Variants in ZNF556 observed in about 807,000 individuals in gnomAD.
The protein encoded by ZNF556 is zinc finger protein 556.
In ZNF556, 11 loss-of-function variants were observed where a neutral mutation model predicts 13.6. The ratio of observed to expected loss-of-function variants is 0.81; its 90% confidence interval spans 0.51 to 1.33. ZNF556 has a LOEUF of 1.33. Ranked by LOEUF, ZNF556 falls within the 40% of genes most tolerant of loss-of-function variation. ZNF556 has a pLI of 0.00. For missense variants in ZNF556, 633 were observed against 566.2 expected (o/e 1.12, Z -1.20); for synonymous variants, 229 against 207.8 (o/e 1.10, Z -0.88).
intron 2 of ZNF556, among the ~76,000 whole-genome samples, chr19:2,874,293 T>C (rs1440955231): frequency 6.6e-6 from 1 of 152,024 alleles, no homozygotes; most frequent in Non-Finnish European, 1.5e-5. Flanking sequence ...TATTTCTTGC[T>C]CATTAAGCCT....
Position 2,873,641 on chromosome 19 carries a change from C to T in ZNF556, c.130+19C>T. 6.2e-7 allele frequency: 1 copy of T among 1,607,378 alleles called. No individual in the cohort carries two copies. The highest frequency in any genetic ancestry group is 8.5e-7 in the Non-Finnish European group (1 of 1,174,852). The stretch of plus-strand genomic sequence containing the variant: ...TCAGTAGGTGAGGATAGCATTATTT[C>T]TGCACTTAGTTATTAGATAATAAAT... On this transcript the variant is annotated intron_variant, in intron 2 of 3. Coordinates refer to ENST00000307635, the MANE Select transcript of ZNF556 (RefSeq NM_024967.3).
intron 1 of ZNF556, 28 bp downstream of exon 1, chr19:2,867,452 A>G: frequency 6.3e-7 from 1 of 1,580,048 alleles, no homozygotes; most frequent in Non-Finnish European, 8.6e-7. Context: ...GCCGAGCCGG[A>G]GCCGGAGCCC....
chr19:2,877,167 G>A, intron 3 of ZNF556, 106 bp from the exon 4 acceptor site: 2 of 904,750 alleles, frequency 2.2e-6, no homozygotes, highest in South Asian at 1.8e-5. Context: ...CCAAGATCAT[G>A]CCACTGCACT....
rs766319745 is a variant in ZNF556 at position 2,877,336 on chromosome 19, C to T, written c.378C>T (p.Phe126=). The change falls in exon 4 of 4, where the codon TTC becomes TTT. Residue 126 remains phenylalanine, a synonymous_variant. Transcript: ENST00000307635. ...AAGGTAATAAACGTGGAAGAACCTT[C>T]AGAAAGACTCGAAATTGTAATCGTC... ...SSKGNKRGRT[F]RKTRNCNRHL... 3 of 1,614,184 alleles carry T rather than the reference C, an allele frequency of 1.9e-6. No homozygotes were observed. The highest frequency in any genetic ancestry group is 2.5e-6 in the Non-Finnish European group (3 of 1,180,038).
intron 1 of ZNF556, among the ~76,000 whole-genome samples, chr19:2,871,431 G>A (rs987456682): frequency 1.4e-4 from 21 of 152,194 alleles, no homozygotes; most frequent in African/African-American, 5.1e-4. Context: ...GTTGGTCAAA[G>A]TGAACCAACT....
chr19:2,873,814 C>T (rs182470741), intron 2 of ZNF556, among the ~76,000 whole-genome samples, 192 bp downstream of exon 2: 5 of 151,740 alleles, frequency 3.3e-5, no homozygotes, highest in Admixed American at 6.6e-5. Context: ...AAAATTAGCC[C>T]GGTGTGGTAG....
At chr19:2,876,323 C>A in intron 3 of ZNF556, 47 bp downstream of exon 3, 1 of 1,517,316 alleles carries the variant, frequency 6.6e-7, no homozygotes, top group Non-Finnish European at 8.8e-7. Flanking sequence ...GGCACGGTGG[C>A]TCATGCCTGT....
intron 3 of ZNF556, among the ~76,000 whole-genome samples, chr19:2,876,979 A>C (rs961965270): frequency 6.6e-6 from 1 of 151,896 alleles, no homozygotes; most frequent in Non-Finnish European, 1.5e-5. Flanking sequence ...TTGAGAGGCC[A>C]AGGTAGGTGG....
At position 2,878,024 on chromosome 19, in the gene ZNF556, C is replaced by T. The variant is rs376991458; in HGVS notation, c.1066C>T (p.Arg356Cys). The change falls in exon 4 of 4, where the codon CGC (arginine) becomes TGC (cysteine). Residue 356 changes from arginine to cysteine, a missense_variant. Arg to Cys is a radical substitution (Grantham distance 180). Transcript: ENST00000307635. ...CGTGGGAAAGTCTTCCGCGAGGCCT[C>T]GCCCCTCCACAGATGTCAAATCACA... ...GSVGKSSARP[R>C]PSTDVKSQTR... The T allele has an allele frequency of 1.1e-5, 18 of 1,613,942 alleles. No individual in the cohort carries two copies. Among genetic ancestry groups the T allele is most frequent in the South Asian group, 4.4e-5 (4 of 91,082 alleles).
At position 2,879,286 on chromosome 19, in the gene ZNF556, T is replaced by G. The variant is rs570676451; in HGVS notation, c.*957T>G. The G allele has an allele frequency of 7.2e-6, 1 of 139,186 alleles. No homozygotes were observed. The highest frequency in any genetic ancestry group is 1.6e-5 in the Non-Finnish European group (1 of 62,216). The allele number at this position is 139,186 out of a possible 1,614,324, so 8.6% of individuals were successfully genotyped here. A position where few individuals can be genotyped will look rare whatever the true frequency, so the allele number is the denominator to read the frequency against. Reference sequence around the variant, plus strand: ...TCTCGTGGGAACTATTTTTTTCATCTGTTGCTGTTTGCTCTTTGACCTGGC... The same window carrying G: ...TCTCGTGGGAACTATTTTTTTCATCGGTTGCTGTTTGCTCTTTGACCTGGC... On this transcript the variant is annotated 3_prime_UTR_variant, in exon 4 of 4. Transcript: ENST00000307635.
Position 2,873,483 on chromosome 19 carries a change from T to C in ZNF556, c.4-13T>C. The C allele has an allele frequency of 1.2e-6, 2 of 1,613,784 alleles. No individual in the cohort carries two copies. Among genetic ancestry groups the C allele is most frequent in the Non-Finnish European group, 1.7e-6 (2 of 1,179,840 alleles). ...TACCCCATCCTCATGTACACATATG[T>C]GGTTTGTTTTAGGACACAGTGGTCT... On this transcript the variant is annotated splice_polypyrimidine_tract_variant and intron_variant, in intron 1 of 3. Transcript: ENST00000307635.
At chr19:2,873,724 C>A in intron 2 of ZNF556, 102 bp downstream of exon 2, 2 of 1,380,774 alleles carry the variant, frequency 1.4e-6, no homozygotes, top group Non-Finnish European at 9.9e-7. Context: ...GAGGCTAAGG[C>A]AGGAGGATCA....
At chr19:2,873,657 G>T in intron 2 of ZNF556, 35 bp downstream of exon 2, 2 of 1,598,234 alleles carry the variant, frequency 1.3e-6, no homozygotes, top group Non-Finnish European at 1.7e-6. Flanking sequence ...TTAGTTATTA[G>T]ATAATAAATG....
chr19:2,875,872 G>A (rs902475503), intron 2 of ZNF556, among the ~76,000 whole-genome samples: 13 of 152,124 alleles, frequency 8.5e-5, no homozygotes, highest in African/African-American at 3.1e-4. Context: ...GCTGAGACAG[G>A]AGAATCGCTT....
Position 2,876,020 on chromosome 19 carries a change from CAATT to C in ZNF556, c.131-70_131-67del, listed in dbSNP as rs761341139. The C allele has an allele frequency of 8.9e-5, 113 of 1,273,922 alleles. No individual in the cohort carries two copies. The African/African-American group carries it at 9.4e-4, about 11-fold the overall frequency. 78.9% of individuals were successfully genotyped at this position (1,273,922 alleles called of 1,614,324 possible). A position where few individuals can be genotyped will look rare whatever the true frequency, so the allele number is the denominator to read the frequency against. On this transcript the variant is annotated intron_variant, in intron 2 of 3. Coordinates refer to ENST00000307635, the MANE Select transcript of ZNF556 (RefSeq NM_024967.3). ...AAAATCACATAATGAAGTCATGAAA[CAATT>C]AAACACCTGAATTACTTCTTTCTTT...
Position 2,872,712 on chromosome 19 carries a change from A to ATTG in ZNF556, c.4-784_4-783insTTG, listed in dbSNP as rs1160116115. On this transcript the variant is annotated intron_variant, in intron 1 of 3. Transcript: ENST00000307635. Reference sequence around the variant, plus strand: ...CGGGCACCTGTAATCCCAGCTACTCAGGAGGCTGAGGCAGGAGAATTGCTT... The same window carrying ATTG: ...CGGGCACCTGTAATCCCAGCTACTCATTGGGAGGCTGAGGCAGGAGAATTGCTT... 4.0e-5 allele frequency among the ~76,000 whole-genome samples: 6 copies of ATTG among 151,158 alleles called. No individual in the cohort carries two copies. The East Asian group carries it at 1.2e-3, about 30-fold the overall frequency.
chr19:2,869,782 G>A (rs114039663), intron 1 of ZNF556, among the ~76,000 whole-genome samples: 2,310 of 152,304 alleles, frequency 0.015, 54 homozygotes, highest in African/African-American at 0.053. Context: ...GTGTCTGTAT[G>A]TGTCCCCTAT....
At position 2,870,746 on chromosome 19, in the gene ZNF556, C is replaced by CA. The variant is rs1166819886; in HGVS notation, c.4-2739dup. Among the ~76,000 whole-genome samples the CA allele has an allele frequency of 1.8e-3, 144 of 78,834 alleles. 2 individuals carry two copies. Among genetic ancestry groups the CA allele is most frequent in the East Asian group, 7.2e-3 (18 of 2,490 alleles). 51.7% of individuals were successfully genotyped at this position (78,834 alleles called of 152,430 possible). ...TGGGCGACAGAGTGAGACTCCATCT[C>CA]AAAAAAAAAAAGGCCGGGCGCGATG... On this transcript the variant is annotated intron_variant, in intron 1 of 3. Transcript: ENST00000307635.
At position 2,875,985 on chromosome 19, in the gene ZNF556, TAAATA is replaced by T. The variant is rs2087847883; in HGVS notation, c.131-98_131-94del. 1.0e-5 allele frequency: 10 copies of T among 970,072 alleles called. No individual in the cohort carries two copies. In the South Asian group the frequency reaches 1.4e-4, roughly 13 times the overall value. The allele number at this position is 970,072 out of a possible 1,614,324, so 60.1% of individuals were successfully genotyped here. ...TCTCAAAAATAAATAAATAAATAGA[TAAATA>T]AAATAAAATCACATAATGAAGTCAT... is the stretch of plus-strand genomic sequence containing the variant. On this transcript the variant is annotated intron_variant, in intron 2 of 3. Coordinates refer to ENST00000307635, the MANE Select transcript of ZNF556 (RefSeq NM_024967.3).
Sources: allele counts gnomAD v4.1 joint callset (sites outside exome capture counted in the v4.1 genomes callset), GRCh38; gene constraint gnomAD v4.1.1; transcripts MANE v1.5; gene names NCBI Gene and HGNC (gene_info 2026-07-23, HGNC 2026-07-21).